Variants in VPS53 observed in about 807,000 individuals in gnomAD.
VPS53 encodes vacuolar protein sorting-associated protein 53 homolog.
VPS53 carries 70 observed loss-of-function variants against 107.0 expected under a neutral mutation model. The observed-to-expected ratio is 0.65, with a 90% confidence interval of 0.54 to 0.80. The LOEUF (loss-of-function observed/expected upper bound fraction) is 0.80. VPS53 is among the 30% of genes least tolerant of loss of function. The pLI is 0.00. For missense variants in VPS53, 917 were observed against 1,049.4 expected (o/e 0.87, Z 1.74); for synonymous variants, 409 against 393.3 (o/e 1.04, Z -0.47).
chr17:604,342 C>T (rs957929611), intron 11 of VPS53, among the ~76,000 whole-genome samples: 16 of 151,484 alleles, frequency 1.1e-4, no homozygotes, highest in African/African-American at 3.2e-4. Context: ...AGGAAGAAGT[C>T]GAGCCTACTC....
chr17:559,195 A>C (rs1199754392), intron 15 of VPS53, among the ~76,000 whole-genome samples: 1 of 152,198 alleles, frequency 6.6e-6, no homozygotes, highest in Non-Finnish European at 1.5e-5. Context: ...TGTAACATTC[A>C]AAACTATGTC....
intron 4 of VPS53, among the ~76,000 whole-genome samples, chr17:696,962 C>T (rs1972994336): frequency 6.6e-6 from 1 of 152,006 alleles, no homozygotes. Context: ...CCGCTGTGCC[C>T]GGCCAACTTG....
intron 4 of VPS53, among the ~76,000 whole-genome samples, chr17:686,717 G>A (rs1194977833): frequency 1.3e-5 from 2 of 152,212 alleles, no homozygotes; most frequent in African/African-American, 4.8e-5. Flanking sequence ...AAAGCCACAG[G>A]AACTCGACAA....
At chr17:551,743 G>T in intron 17 of VPS53, 129 bp downstream of exon 17, 1 of 711,586 alleles carries the variant, frequency 1.4e-6, no homozygotes, top group Non-Finnish European at 2.1e-6. Context: ...GGAACTCCGG[G>T]GCCTCTCCAT....
At chr17:543,827 G>T in intron 17 of VPS53, among the ~76,000 whole-genome samples, 1 of 64,790 alleles carries the variant, frequency 1.5e-5, no homozygotes, top group African/African-American at 7.9e-5. Flanking sequence ...GAGGGAGGGA[G>T]GGAGGGAGGG....
At position 520,512 on chromosome 17, in the gene VPS53, G is replaced by A. The variant is rs1422868689; in HGVS notation, c.2224-582C>T. Among the ~76,000 whole-genome samples the A allele has an allele frequency of 1.3e-5, 2 of 152,134 alleles. No homozygotes were observed. Among genetic ancestry groups the A allele is most frequent in the Admixed American group, 6.5e-5 (1 of 15,274 alleles). Reference sequence around the variant, plus strand: ...CTTAAAATCTGTAACTTCATGTAACGACTAACTTAAACTATCAATTAACAT... The same window carrying A: ...CTTAAAATCTGTAACTTCATGTAACAACTAACTTAAACTATCAATTAACAT... On this transcript the variant is annotated intron_variant, in intron 20 of 21. Transcript: ENST00000437048. This position sits in a 1 kb window ranked among gnomAD's most constrained non-coding sequence, Gnocchi z 4.4.
At chr17:626,614 C>T (rs1969720461) in intron 10 of VPS53, among the ~76,000 whole-genome samples, 1 of 152,120 alleles carries the variant, frequency 6.6e-6, no homozygotes, top group Non-Finnish European at 1.5e-5. Context: ...ATGGAGGTGG[C>T]AGTGAGCTGG....
At chr17:714,560 G>T in intron 1 of VPS53, 63 bp downstream of exon 1, 1 of 1,492,158 alleles carries the variant, frequency 6.7e-7, no homozygotes, top group South Asian at 1.3e-5. Flanking sequence ...CCTCCCCAGC[G>T]CCCGGAGCTG....
intron 11 of VPS53, among the ~76,000 whole-genome samples, chr17:619,882 C>T (rs71355284): frequency 2.1e-5 from 3 of 142,548 alleles, no homozygotes; most frequent in Non-Finnish European, 4.6e-5. Context: ...CACCACGCCC[C>T]GCTAATATTT....
chr17:589,273 T>C (rs1381425193), intron 12 of VPS53, among the ~76,000 whole-genome samples: 1 of 152,096 alleles, frequency 6.6e-6, no homozygotes, highest in Non-Finnish European at 1.5e-5. Context: ...TACTAATTTA[T>C]GTGTACTTTC....
intron 5 of VPS53, among the ~76,000 whole-genome samples, chr17:661,131 G>A (rs1168287995): frequency 1.3e-5 from 2 of 151,794 alleles, no homozygotes; most frequent in African/African-American, 4.8e-5. Context: ...GCTACATACC[G>A]TACATCTCGA....
At chr17:658,782 A>C (rs1319019411) in intron 5 of VPS53, among the ~76,000 whole-genome samples, 16 of 124,266 alleles carry the variant, frequency 1.3e-4, no homozygotes, top group South Asian at 2.6e-4. Flanking sequence ...TGAAGTGAGA[A>C]ACTCGGCCGT....
rs1908646052 is a variant in VPS53 at position 520,426 on chromosome 17, G to A, written c.2224-496C>T. ...TGAGAAATGGGTGGCAAAAGGAGCT[G>A]GTATAAGTAAGTGGATTTCTGCAAA... On this transcript the variant is annotated intron_variant, in intron 20 of 21. Transcript: ENST00000437048. The surrounding 1 kb of genome is among the most constrained non-coding windows in gnomAD (Gnocchi z 4.4). Among the ~76,000 whole-genome samples, 11 of 152,158 alleles carry A rather than the reference G, an allele frequency of 7.2e-5. No individual in the cohort carries two copies. The highest frequency in any genetic ancestry group is 3.3e-4 in the Admixed American group (5 of 15,276).
rs934432364 is a variant in VPS53, at chr17:623,432, A to G, written c.1116+101T>C. 7.9e-6 allele frequency: 11 copies of G among 1,396,188 alleles called. No individual in the cohort carries two copies. In the African/African-American group the frequency reaches 1.4e-4, roughly 18 times the overall value. 86.5% of individuals were successfully genotyped at this position (1,396,188 alleles called of 1,614,324 possible). ...GTGAAATCACTGCAATGAGGGGTTA[A>G]GCACCGAAGCCAATGGATAGAGTCA... is the stretch of plus-strand genomic sequence containing the variant. On this transcript the variant is annotated intron_variant, in intron 11 of 21. Coordinates refer to ENST00000437048, the MANE Select transcript of VPS53 (RefSeq NM_001128159.3).
chr17:617,758 C>G (rs1311860802), intron 11 of VPS53, among the ~76,000 whole-genome samples: 3 of 148,934 alleles, frequency 2.0e-5, no homozygotes, highest in African/African-American at 5.0e-5. Context: ...TGCGCCACCA[C>G]GCCCCACTAA....
At chr17:647,852 T>C (rs976770610) in intron 7 of VPS53, among the ~76,000 whole-genome samples, 1 of 152,202 alleles carries the variant, frequency 6.6e-6, no homozygotes, top group Non-Finnish European at 1.5e-5. Context: ...GCCTGAGGAC[T>C]TCCTGGTAGG....
At chr17:579,785 C>A (rs188867951) in intron 13 of VPS53, among the ~76,000 whole-genome samples, 1 of 149,566 alleles carries the variant, frequency 6.7e-6, no homozygotes, top group African/African-American at 2.5e-5. Flanking sequence ...AACCTGAGTG[C>A]ATTAACAGAG....
At chr17:705,682 G>C (rs1257616186) in intron 2 of VPS53, 1 of 152,278 alleles carries the variant, frequency 6.6e-6, no homozygotes, top group Non-Finnish European at 1.5e-5. Flanking sequence ...GGAGGTTGCA[G>C]TGAGCCGAGA....
chr17:599,156 C>T (rs1228772863), intron 12 of VPS53, among the ~76,000 whole-genome samples: 8 of 148,028 alleles, frequency 5.4e-5, no homozygotes, highest in African/African-American at 1.2e-4. Flanking sequence ...CCCGGCCAGC[C>T]GCCCCGCCCG....
Sources: allele counts gnomAD v4.1 joint callset (sites outside exome capture counted in the v4.1 genomes callset), GRCh38; gene constraint gnomAD v4.1.1; non-coding constraint Gnocchi (gnomAD v3.1); transcripts MANE v1.5; gene names NCBI Gene and HGNC (gene_info 2026-07-23, HGNC 2026-07-21).